Variants in SYNE1 observed in about 807,000 individuals in gnomAD.
SYNE1 encodes nesprin-1.
In SYNE1, 616 loss-of-function variants were observed where a neutral mutation model predicts 1,111.0. The observed-to-expected ratio is 0.55, with a 90% CI of 0.52 to 0.59. SYNE1 has a LOEUF of 0.59. Among genes scored for constraint, SYNE1 ranks in the 20% least tolerant of loss-of-function variants. SYNE1 has a pLI of 0.00. For missense variants in SYNE1, 10,006 were observed against 10,417.0 expected (o/e 0.96, Z 1.72); for synonymous variants, 3,855 against 3,825.8 (o/e 1.01, Z -0.28).
chr6:152,422,086 C>A (rs563640781), intron 39 of SYNE1, among the ~76,000 whole-genome samples: 71 of 152,282 alleles, frequency 4.7e-4, no homozygotes, highest in African/African-American at 1.6e-3. Context: ...TGTAAGTAAA[C>A]AACCTATGTG....
intron 10 of SYNE1, among the ~76,000 whole-genome samples, chr6:152,500,580 G>T (rs2099023990): frequency 6.6e-6 from 1 of 152,030 alleles, no homozygotes; most frequent in African/African-American, 2.4e-5. Flanking sequence ...CTAACTATTG[G>T]CGTGATGTCT....
In SYNE1 at chr6:152,274,540, A is replaced by G. The variant is rs559738301; in HGVS notation, c.18573+3549T>C. Among the ~76,000 whole-genome samples, 6 of 152,078 alleles carry G rather than the reference A, an allele frequency of 3.9e-5. No individual in the cohort carries two copies. The East Asian group carries it at 1.2e-3, about 29-fold the overall frequency. ...TTTTTGGGGGTGGGGAAGGGGGGTC[A>G]TACAGAACTTTTTTATTTTTGTGTA... On this transcript the variant is annotated intron_variant, in intron 98 of 145. Coordinates refer to ENST00000367255, the MANE Select transcript of SYNE1 (RefSeq NM_182961.4).
intron 109 of SYNE1, 89 bp downstream of exon 109, chr6:152,236,728 T>C (rs918706691): frequency 6.8e-7 from 1 of 1,462,448 alleles, no homozygotes; most frequent in African/African-American, 1.4e-5. Flanking sequence ...GTAAAAGTAC[T>C]AATAAAATAA....
At chr6:152,381,612 TG>T in intron 55 of SYNE1, 1 of 552,806 alleles carries the variant, frequency 1.8e-6, no homozygotes, top group South Asian at 2.1e-5. Context: ...ACAGAGACCC[TG>T]AAATCAGGCA....
At chr6:152,444,699 G>A (rs2098561320) in intron 29 of SYNE1, 121 bp from the exon 30 acceptor site, 1 of 864,598 alleles carries the variant, frequency 1.2e-6, no homozygotes, top group Non-Finnish European at 1.8e-6. Context: ...TGTACTACGT[G>A]ACTGTGAAAT....
intron 44 of SYNE1, among the ~76,000 whole-genome samples, 190 bp downstream of exon 44, chr6:152,408,878 C>T (rs945463758): frequency 4.6e-5 from 7 of 151,374 alleles, no homozygotes; most frequent in Middle Eastern, 3.4e-3. Context: ...CGCTTGAAGC[C>T]AGAAGGCAGA....
At chr6:152,235,943 A>G (rs537299042) in intron 110 of SYNE1, among the ~76,000 whole-genome samples, 164 bp downstream of exon 110, 18 of 151,744 alleles carry the variant, frequency 1.2e-4, no homozygotes, top group Admixed American at 9.8e-4. Context: ...GGGTCTTACT[A>G]TGTTGCCCAG....
At chr6:152,377,931 A>G (rs772489170) in intron 56 of SYNE1, among the ~76,000 whole-genome samples, 12 of 151,986 alleles carry the variant, frequency 7.9e-5, no homozygotes, top group African/African-American at 2.7e-4. Flanking sequence ...GATGAGGGAG[A>G]CACATGAATA....
chr6:152,374,487 G>A (rs1168369864), intron 58 of SYNE1, among the ~76,000 whole-genome samples: 1 of 152,154 alleles, frequency 6.6e-6, no homozygotes, highest in Non-Finnish European at 1.5e-5. Context: ...CTCTAAAACA[G>A]TACTAGCCAT....
chr6:152,571,751 A>G (rs1595590267), intron 3 of SYNE1, among the ~76,000 whole-genome samples: 1 of 152,280 alleles, frequency 6.6e-6, no homozygotes, highest in East Asian at 1.9e-4. Flanking sequence ...CGAAAGAGGC[A>G]TTTTCCCTGG....
intron 54 of SYNE1, among the ~76,000 whole-genome samples, 153 bp downstream of exon 54, chr6:152,386,919 G>T (rs2097534619): frequency 6.6e-6 from 1 of 152,144 alleles, no homozygotes; most frequent in Non-Finnish European, 1.5e-5. Flanking sequence ...TTTACTGAAT[G>T]TACAAATAGT....
rs184138261 is a variant in SYNE1, at chr6:152,469,906, C to T, written c.1632+1691G>A. 3.9e-5 allele frequency among the ~76,000 whole-genome samples: 6 copies of T among 152,180 alleles called. No individual in the cohort carries two copies. The East Asian group carries it at 1.2e-3, about 29-fold the overall frequency. On this transcript the variant is annotated intron_variant, in intron 16 of 145. Coordinates refer to ENST00000367255, the MANE Select transcript of SYNE1 (RefSeq NM_182961.4). ...GCCATCACTGAGATGAAAAATGATG[C>T]ATGTAAAACACTTGGCATGTGGGAA... is the stretch of plus-strand genomic sequence containing the variant.
chr6:152,416,601 T>A lies in SYNE1; in HGVS notation c.5836A>T (p.Thr1946Ser). ...TGATCAGCCGTGGCTCTGCAGGAAG[T>A]CCTTTGCTCAGAGCTCCCGATTTTC... is the stretch of plus-strand genomic sequence containing the variant. ...HLKIGSSEQR[T>S]SCRATADQLC... is the part of the protein sequence containing the mutation. The change falls in exon 41 of 146, where the codon ACT becomes TCT. Residue 1946 changes from threonine (T) to serine (S), a missense_variant. By Grantham distance (58) the Thr-to-Ser change is moderately conservative. This residue lies in a region of SYNE1 where 4,955 missense variants were observed against 5,017.2 expected (regional missense o/e 0.99). Transcript: ENST00000367255. 1.2e-6 allele frequency: 2 copies of A among 1,614,132 alleles called. No homozygotes were observed. Among genetic ancestry groups the A allele is most frequent in the African/African-American group, 1.3e-5 (1 of 75,016 alleles).
intron 48 of SYNE1, among the ~76,000 whole-genome samples, chr6:152,399,211 T>C (rs962601827): frequency 6.6e-6 from 1 of 152,186 alleles, no homozygotes; most frequent in Non-Finnish European, 1.5e-5. Flanking sequence ...ACCCTATGGC[T>C]GCCCTGTTTC....
intron 141 of SYNE1, among the ~76,000 whole-genome samples, chr6:152,136,000 A>G (rs1306014541): frequency 6.6e-6 from 1 of 152,134 alleles, no homozygotes; most frequent in Non-Finnish European, 1.5e-5. Context: ...CATTTATTAT[A>G]TTACCTTCAT....
chr6:152,508,742 G>A (rs983332005), intron 8 of SYNE1, among the ~76,000 whole-genome samples: 7 of 152,268 alleles, frequency 4.6e-5, no homozygotes, highest in African/African-American at 1.7e-4. Flanking sequence ...AATGTGGGAA[G>A]GGTTTTTTAT....
At chr6:152,560,737 C>T (rs1014804274) in intron 3 of SYNE1, among the ~76,000 whole-genome samples, 1 of 152,086 alleles carries the variant, frequency 6.6e-6, no homozygotes, top group South Asian at 2.1e-4. Flanking sequence ...GGGATTTATA[C>T]CTGAGATTCA....
intron 79 of SYNE1, 61 bp downstream of exon 79, chr6:152,326,235 A>T (rs896822964): frequency 2.5e-6 from 4 of 1,611,924 alleles, no homozygotes; most frequent in Admixed American, 1.7e-5. Flanking sequence ...TTCGTGTATT[A>T]CTACTTTCAG....
chr6:152,465,476 C>T lies in SYNE1; in HGVS notation c.1730-16G>A. The T allele has an allele frequency of 6.2e-7, 1 of 1,606,888 alleles. No homozygotes were observed. Among genetic ancestry groups the T allele is most frequent in the Non-Finnish European group, 8.5e-7 (1 of 1,175,858 alleles). On this transcript the variant is annotated splice_polypyrimidine_tract_variant and intron_variant, in intron 17 of 145. Transcript: ENST00000367255. ...GCTTCTTCCACTGAAACAGATAAAA[C>T]CAATTATAACCCTTATCTCATATTT...
Sources: gnomAD v4.1 joint callset for allele counts (sites outside exome capture counted in the v4.1 genomes callset) on GRCh38, gnomAD v4.1.1 for gene constraint, gnomAD v4.1.1 regional missense constraint, MANE v1.5 for transcripts, NCBI Gene and HGNC (gene_info 2026-07-23, HGNC 2026-07-21) for gene names.